COX7B2: variants seen among roughly 807,000 people sequenced by gnomAD.
The protein encoded by COX7B2 is cytochrome c oxidase subunit 7B2, mitochondrial.
For missense variants in COX7B2, 109 were observed against 95.9 expected, an observed-to-expected ratio of 1.14 and a Z score of -0.57; for synonymous variants, 37 against 32.1, an observed-to-expected ratio of 1.15 and a Z score of -0.51.
At chr4:46,738,009 C>T (rs1385133508) in intron 2 of COX7B2, among the ~76,000 whole-genome samples, 1 of 152,110 alleles carries the variant, frequency 6.6e-6, no homozygotes, top group Non-Finnish European at 1.5e-5. Flanking sequence ...TGAATCTTCC[C>T]ACCCAAAGAC....
At chr4:46,817,840 C>A (rs1409154756) in intron 2 of COX7B2, among the ~76,000 whole-genome samples, 3 of 152,122 alleles carry the variant, frequency 2.0e-5, no homozygotes, top group African/African-American at 7.2e-5. Flanking sequence ...GGAGGGTCAC[C>A]CTACTGAGAC....
chr4:46,742,619 A>T (rs893014633), intron 2 of COX7B2, among the ~76,000 whole-genome samples: 4 of 152,184 alleles, frequency 2.6e-5, no homozygotes, highest in African/African-American at 9.6e-5. Flanking sequence ...CCATTTGCTT[A>T]AGGCTGTGTT....
At chr4:46,850,042 A>G (rs1050843530) in intron 1 of COX7B2, among the ~76,000 whole-genome samples, 6 of 152,010 alleles carry the variant, frequency 3.9e-5, no homozygotes, top group Admixed American at 3.9e-4. Flanking sequence ...TGAGTGGTAA[A>G]TTCTAGTAAG....
intron 2 of COX7B2, among the ~76,000 whole-genome samples, chr4:46,784,646 C>A (rs755817463): frequency 4.6e-5 from 7 of 152,058 alleles, no homozygotes; most frequent in Non-Finnish European, 1.0e-4. Flanking sequence ...AGAAAAGAAG[C>A]TTTAATCAAG....
chr4:46,752,091 C>T (rs563356743), intron 2 of COX7B2, among the ~76,000 whole-genome samples: 15 of 152,146 alleles, frequency 9.9e-5, no homozygotes, highest in Non-Finnish European at 2.1e-4. Context: ...TCTTTTATTT[C>T]CTTGTGCAGT....
intron 2 of COX7B2, among the ~76,000 whole-genome samples, chr4:46,821,767 T>C (rs1014394575): frequency 6.6e-6 from 1 of 152,246 alleles, no homozygotes; most frequent in Non-Finnish European, 1.5e-5. Context: ...TGAAATGTTA[T>C]GGAGTCTCTG....
chr4:46,895,285 C>T (rs2109881277), intron 1 of COX7B2, among the ~76,000 whole-genome samples: 1 of 152,272 alleles, frequency 6.6e-6, no homozygotes, highest in South Asian at 2.1e-4. Context: ...GGTACATATA[C>T]ACCACAGAAT....
At chr4:46,849,752 A>G (rs1026866919) in intron 1 of COX7B2, among the ~76,000 whole-genome samples, 4 of 152,052 alleles carry the variant, frequency 2.6e-5, no homozygotes, top group African/African-American at 9.7e-5. Flanking sequence ...TTAGTTACAC[A>G]TGTATACATG....
intron 2 of COX7B2, among the ~76,000 whole-genome samples, chr4:46,805,624 A>G (rs1039134651): frequency 6.6e-6 from 1 of 152,200 alleles, no homozygotes; most frequent in African/African-American, 2.4e-5. Flanking sequence ...AAAAAAATTT[A>G]AATCAAATGT....
chr4:46,763,040 T>TTGTATATTATAATATGTAA (rs1716292574), intron 2 of COX7B2, among the ~76,000 whole-genome samples: 7 of 131,286 alleles, frequency 5.3e-5, no homozygotes, highest in African/African-American at 2.0e-4. Context: ...ATAATATATA[T>TTGTATATTATAATATGTAA]TATATATTAT....
intron 2 of COX7B2, among the ~76,000 whole-genome samples, chr4:46,788,124 G>T (rs1006415414): frequency 6.6e-6 from 1 of 151,752 alleles, no homozygotes; most frequent in African/African-American, 2.4e-5. Flanking sequence ...AAAGGAAAAC[G>T]TAGTAGAGTA....
intron 2 of COX7B2, among the ~76,000 whole-genome samples, chr4:46,763,806 C>T: frequency 6.6e-6 from 1 of 152,164 alleles, no homozygotes. Flanking sequence ...TATAAATATA[C>T]ATGTGCATGC....
chr4:46,737,941 A>G (rs1422017503), intron 2 of COX7B2, among the ~76,000 whole-genome samples: 1 of 152,182 alleles, frequency 6.6e-6, no homozygotes, highest in Admixed American at 6.6e-5. Context: ...CAGGGCAACC[A>G]GAGCCAAATT....
intron 2 of COX7B2, among the ~76,000 whole-genome samples, chr4:46,826,427 T>TA (rs1714696717): frequency 6.6e-6 from 1 of 152,118 alleles, no homozygotes; most frequent in Non-Finnish European, 1.5e-5. Flanking sequence ...GGTGGGAGTG[T>TA]AAATTAGTTC....
At chr4:46,750,526 A>AG (rs1715305886) in intron 2 of COX7B2, among the ~76,000 whole-genome samples, 2 of 151,792 alleles carry the variant, frequency 1.3e-5, no homozygotes, top group Non-Finnish European at 2.9e-5. Context: ...ATATTTACCA[A>AG]AATAACTTGA....
chr4:46,838,240 C>A (rs1303486455), intron 2 of COX7B2, among the ~76,000 whole-genome samples: 1 of 151,696 alleles, frequency 6.6e-6, no homozygotes, highest in Non-Finnish European at 1.5e-5. Context: ...ATAGGTAGCA[C>A]TTTAAAAGAA....
chr4:46,756,252 G>C (rs1302920377), intron 2 of COX7B2, among the ~76,000 whole-genome samples: 1 of 151,964 alleles, frequency 6.6e-6, no homozygotes, highest in Non-Finnish European at 1.5e-5. Flanking sequence ...AGATCAGATA[G>C]CCATATGCAG....
At chr4:46,774,879 T>G (rs1265915986) in intron 2 of COX7B2, among the ~76,000 whole-genome samples, 2 of 152,100 alleles carry the variant, frequency 1.3e-5, no homozygotes, top group Admixed American at 6.6e-5. Flanking sequence ...ATTTACATTT[T>G]CACTATACAA....
chr4:46,762,349 ATATAC>A (rs1268237413), intron 2 of COX7B2, among the ~76,000 whole-genome samples: 3 of 105,564 alleles, frequency 2.8e-5, no homozygotes, highest in Non-Finnish European at 5.8e-5. Context: ...ATATATTTAT[ATATAC>A]TATACATGTA....
Sources: gnomAD v4.1 joint callset for allele counts (sites outside exome capture counted in the v4.1 genomes callset) on GRCh38, gnomAD v4.1.1 for gene constraint, MANE v1.5 for transcripts, NCBI Gene and HGNC (gene_info 2026-07-23, HGNC 2026-07-21) for gene names.